Variants in ZNF212 observed in about 807,000 individuals in gnomAD.
ZNF212 encodes zinc finger protein 212, also known as Zinc finger protein C2H2-150.
Under a neutral mutation model 47.3 loss-of-function variants are expected in ZNF212, and 32 were observed. The ratio of observed to expected loss-of-function variants is 0.68; its 90% CI spans 0.51 to 0.91. The LOEUF is 0.91. ZNF212 is among the 40% of genes least tolerant of loss of function. The pLI is 0.00. For missense variants in ZNF212, 555 were observed against 622.8 expected (o/e 0.89, Z 1.16); for synonymous variants, 242 against 253.8 (o/e 0.95, Z 0.44).
At chr7:149,243,433 C>CAAAAA (rs869068988) in intron 1 of ZNF212, among the ~76,000 whole-genome samples, 949 of 56,028 alleles carry the variant, frequency 0.017, 134 homozygotes, top group African/African-American at 0.031. Flanking sequence ...GACTCCGTCT[C>CAAAAA]AAAAAAAAAA....
rs564058501 is a variant in ZNF212, at chr7:149,254,584, G to T, written c.*169G>T. 15 of 1,063,386 alleles carry T rather than the reference G, an allele frequency of 1.4e-5. No individual in the cohort carries two copies. The highest frequency in any genetic ancestry group is 2.0e-5 in the Non-Finnish European group (15 of 766,812). The allele number at this position is 1,063,386 out of a possible 1,614,324, so 65.9% of individuals were successfully genotyped here. On this transcript the variant is annotated 3_prime_UTR_variant, in exon 5 of 5. Coordinates refer to ENST00000335870, the MANE Select transcript of ZNF212 (RefSeq NM_012256.4). This position sits in a 1 kb window ranked among gnomAD's most constrained non-coding sequence, Gnocchi z 4.5. The stretch of plus-strand genomic sequence containing the variant: ...AGGCTGTCCTGAAAACCCTGTGGAA[G>T]AAGAGTCCAGGCCAGGTCTTCATCC...
rs1796557217 is a variant in ZNF212, at chr7:149,239,703, C to T, written c.-76C>T. 2.3e-6 allele frequency: 3 copies of T among 1,277,044 alleles called. No individual in the cohort carries two copies. The highest frequency in any genetic ancestry group is 3.1e-5 in the African/African-American group (2 of 64,180). The allele number at this position is 1,277,044 out of a possible 1,614,324, so 79.1% of individuals were successfully genotyped here. ...CGGCGGCGGCGGCTTCCAACAGGCT[C>T]TGGGGCGCCGAGCGGACAGGAACGC... On this transcript the variant is annotated 5_prime_UTR_variant, in exon 1 of 5. Coordinates refer to ENST00000335870, the MANE Select transcript of ZNF212 (RefSeq NM_012256.4).
At chr7:149,244,167 TCA>T (rs1796641706) in intron 1 of ZNF212, among the ~76,000 whole-genome samples, 1 of 152,164 alleles carries the variant, frequency 6.6e-6, no homozygotes, top group Non-Finnish European at 1.5e-5. Context: ...ACTCCTGACC[TCA>T]AGTGATCCGG....
intron 1 of ZNF212, among the ~76,000 whole-genome samples, chr7:149,244,518 T>G (rs1292615427): frequency 6.6e-6 from 1 of 151,954 alleles, no homozygotes; most frequent in Non-Finnish European, 1.5e-5. Context: ...TTTCACCATG[T>G]TAGCCAGGAT....
chr7:149,242,016 CT>C (rs1487200170), intron 1 of ZNF212, among the ~76,000 whole-genome samples: 1 of 134,072 alleles, frequency 7.5e-6, no homozygotes, highest in Non-Finnish European at 1.6e-5. Context: ...TTTTTCTTTT[CT>C]TTTCTTTTTT....
In ZNF212 at chr7:149,254,454, TG is replaced by T; in HGVS notation, c.*41del. 1 of 1,547,446 alleles carries T rather than the reference TG, an allele frequency of 6.5e-7. No homozygotes were observed. Among genetic ancestry groups the T allele is most frequent in the South Asian group, 1.2e-5 (1 of 81,266 alleles). ...CGCCCGTCTGGGGGATGGAGGGGGG[TG>T]GCATTGGTTCCCCCGAAGAGACACT... On this transcript the variant is annotated 3_prime_UTR_variant, in exon 5 of 5. Transcript: ENST00000335870. The surrounding 1 kb of genome is among the most constrained non-coding windows in gnomAD (Gnocchi z 4.5).
At chr7:149,249,462 A>C (rs1796721286) in intron 1 of ZNF212, among the ~76,000 whole-genome samples, 1 of 152,212 alleles carries the variant, frequency 6.6e-6, no homozygotes, top group Non-Finnish European at 1.5e-5. Context: ...ACATTAAATA[A>C]AAATAGGTTT....
In ZNF212 at chr7:149,254,777, G is replaced by T; in HGVS notation, c.*362G>T. ...CCACGGGGTTGAGTCGGGCCATAGGGGTGAGCAGCTGCCTGGAAGAGTTCT... is the reference window on the plus strand; with the variant it reads ...CCACGGGGTTGAGTCGGGCCATAGGTGTGAGCAGCTGCCTGGAAGAGTTCT... On this transcript the variant is annotated 3_prime_UTR_variant, in exon 5 of 5. Coordinates refer to ENST00000335870, the MANE Select transcript of ZNF212 (RefSeq NM_012256.4). The surrounding 1 kb of genome is among the most constrained non-coding windows in gnomAD (Gnocchi z 4.5). 1 of 251,068 alleles carries T rather than the reference G, an allele frequency of 4.0e-6. No individual in the cohort carries two copies. Among genetic ancestry groups the T allele is most frequent in the East Asian group, 8.9e-5 (1 of 11,254 alleles). The allele number at this position is 251,068 out of a possible 1,614,324, so 15.6% of individuals were successfully genotyped here.
chr7:149,239,965 T>G, intron 1 of ZNF212, 163 bp downstream of exon 1: 1 of 817,314 alleles, frequency 1.2e-6, no homozygotes, highest in Non-Finnish European at 1.7e-6. Flanking sequence ...CCCAGTGCTC[T>G]GCCCTTTTTT....
At chr7:149,247,073 A>G (rs1407811653) in intron 1 of ZNF212, among the ~76,000 whole-genome samples, 1 of 150,830 alleles carries the variant, frequency 6.6e-6, no homozygotes, top group Non-Finnish European at 1.5e-5. Context: ...CGGCCTCCCA[A>G]AGTGCTGGGA....
chr7:149,254,380 G>A lies in ZNF212; in HGVS notation c.1453G>A (p.Ala485Thr), dbSNP rs564109123. The A allele has an allele frequency of 1.2e-6, 2 of 1,605,812 alleles. No individual in the cohort carries two copies. Among genetic ancestry groups the A allele is most frequent in the East Asian group, 2.2e-5 (1 of 44,886 alleles). Reference sequence around the variant, plus strand: ...CCACCAGCGGGAGCGGGGTGGGCTGGCCCTGGAGCCCGGAAGGCCCAATGG... The same window carrying A: ...CCACCAGCGGGAGCGGGGTGGGCTGACCCTGGAGCCCGGAAGGCCCAATGG... The part of the protein sequence containing the change: ...KIHQRERGGL[A>T]LEPGRPNGLL The change falls in exon 5 of 5, where the codon GCC becomes ACC. Residue 485 changes from alanine (A) to threonine (T), a missense_variant. Transcript: ENST00000335870. The surrounding 1 kb of genome is among the most constrained non-coding windows in gnomAD (Gnocchi z 4.5).
chr7:149,250,257 C>G lies in ZNF212; in HGVS notation c.123C>G (p.Leu41=), dbSNP rs1021151061. The G allele has an allele frequency of 1.9e-6, 3 of 1,610,596 alleles. No individual in the cohort carries two copies. The highest frequency in any genetic ancestry group is 1.7e-5 in the Admixed American group (1 of 59,420). The change falls in exon 2 of 5, where the codon CTC becomes CTG. Residue 41 remains leucine, a synonymous_variant. Coordinates refer to ENST00000335870, the MANE Select transcript of ZNF212 (RefSeq NM_012256.4). ...SSYFQTTEIS[L]WTVVAAIQAV... ...ATTTTCAGACCACCGAGATTTCACT[C>G]TGGACGGTGGTGGCCGCTATTCAGG...
In ZNF212 at chr7:149,254,731, G is replaced by A. The variant is rs948195367; in HGVS notation, c.*316G>A. 9.3e-6 allele frequency: 3 copies of A among 323,896 alleles called. No homozygotes were observed. The highest frequency in any genetic ancestry group is 5.9e-5 in the East Asian group (1 of 16,912). The allele number at this position is 323,896 out of a possible 1,614,324, so 20.1% of individuals were successfully genotyped here. On this transcript the variant is annotated 3_prime_UTR_variant, in exon 5 of 5. Coordinates refer to ENST00000335870, the MANE Select transcript of ZNF212 (RefSeq NM_012256.4). This position sits in a 1 kb window ranked among gnomAD's most constrained non-coding sequence, Gnocchi z 4.5. Reference sequence around the variant, plus strand: ...GGACTGGTGGCTGGTTCCAGGGCTCGTCCCGGCATTTCATGTCTTCCCACG... The same window carrying A: ...GGACTGGTGGCTGGTTCCAGGGCTCATCCCGGCATTTCATGTCTTCCCACG...
intron 1 of ZNF212, among the ~76,000 whole-genome samples, chr7:149,245,411 T>G (rs1003294249): frequency 6.6e-6 from 1 of 150,898 alleles, no homozygotes; most frequent in African/African-American, 2.4e-5. Flanking sequence ...TTGAAATTCA[T>G]CCTAAATGTG....
intron 1 of ZNF212, among the ~76,000 whole-genome samples, chr7:149,243,844 C>T (rs866499579): frequency 1.3e-5 from 2 of 152,202 alleles, no homozygotes; most frequent in Non-Finnish European, 2.9e-5. Flanking sequence ...CTGCTCTGCA[C>T]TGTTTAATAC....
chr7:149,245,518 CTTTA>C (rs2129524236), intron 1 of ZNF212, among the ~76,000 whole-genome samples: 1 of 152,086 alleles, frequency 6.6e-6, no homozygotes, highest in East Asian at 1.9e-4. Flanking sequence ...GAGACCGTGT[CTTTA>C]TTTATTTGAG....
intron 3 of ZNF212, chr7:149,251,177 T>C: frequency 3.8e-6 from 1 of 263,802 alleles, no homozygotes. Flanking sequence ...TAATTTATTT[T>C]ATCTTTTTTT....
intron 1 of ZNF212, among the ~76,000 whole-genome samples, chr7:149,243,616 G>T (rs190583660): frequency 2.0e-5 from 3 of 151,974 alleles, no homozygotes; most frequent in Non-Finnish European, 4.4e-5. Flanking sequence ...CTTTTGTAAT[G>T]GTAAAAGACT....
At position 149,250,047 on chromosome 7, in the gene ZNF212, C is replaced by T. The variant is rs550686766; in HGVS notation, c.25-112C>T. 8.7e-5 allele frequency: 93 copies of T among 1,074,576 alleles called. 1 individual carries two copies. In the Middle Eastern group the frequency reaches 2.0e-3, roughly 23 times the overall value. The allele number at this position is 1,074,576 out of a possible 1,614,324, so 66.6% of individuals were successfully genotyped here. A position where few individuals can be genotyped will look rare whatever the true frequency, so the allele number is the denominator to read the frequency against. On this transcript the variant is annotated intron_variant, in intron 1 of 4. Coordinates refer to ENST00000335870, the MANE Select transcript of ZNF212 (RefSeq NM_012256.4). ...ATTTTTAGTATCAATAAAAGACATGCTTTTTTTTAATTAAAAGAAACTAGA... is the reference window on the plus strand; with the variant it reads ...ATTTTTAGTATCAATAAAAGACATGTTTTTTTTTAATTAAAAGAAACTAGA...
Sources: allele counts gnomAD v4.1 joint callset (sites outside exome capture counted in the v4.1 genomes callset), GRCh38; gene constraint gnomAD v4.1.1; non-coding constraint Gnocchi (gnomAD v3.1); transcripts MANE v1.5; gene names NCBI Gene and HGNC (gene_info 2026-07-23, HGNC 2026-07-21).